TMEM178B: variants seen among roughly 807,000 people sequenced by gnomAD.
TMEM178B encodes the protein transmembrane protein 178B.
A neutral mutation model predicts 31.0 loss-of-function variants in TMEM178B; 5 were observed. The ratio of observed to expected loss-of-function variants is 0.16; its 90% CI spans 0.08 to 0.34. The LOEUF (loss-of-function observed/expected upper bound fraction) is 0.34, where lower values mean the gene tolerates loss of function less well. Ranked by LOEUF, TMEM178B falls within the 10% of genes least tolerant of loss-of-function variation. The pLI is 1.00. For synonymous variants in TMEM178B, 164 were observed against 164.0 expected (o/e 1.00, Z 0.00); for missense variants, 275 against 400.3 (o/e 0.69, Z 2.67).
At chr7:141,329,682 G>C (rs1054229455) in intron 2 of TMEM178B, among the ~76,000 whole-genome samples, 13 of 152,224 alleles carry the variant, frequency 8.5e-5, no homozygotes, top group African/African-American at 3.1e-4. Flanking sequence ...GTTGGGGGAA[G>C]AAAATCAACC....
At chr7:141,301,500 A>G (rs1798725813) in intron 2 of TMEM178B, among the ~76,000 whole-genome samples, 1 of 152,172 alleles carries the variant, frequency 6.6e-6, no homozygotes, top group South Asian at 2.1e-4. Flanking sequence ...GAGTAATCAA[A>G]ACCAGCAACA....
intron 2 of TMEM178B, among the ~76,000 whole-genome samples, chr7:141,239,546 C>T (rs920913296): frequency 6.6e-6 from 1 of 152,146 alleles, no homozygotes; most frequent in Admixed American, 6.5e-5. Context: ...AGGATTGATT[C>T]CCCGGGTGGA....
At chr7:141,104,728 C>T (rs1290625248) in intron 1 of TMEM178B, among the ~76,000 whole-genome samples, 1 of 152,164 alleles carries the variant, frequency 6.6e-6, no homozygotes. Context: ...AGGCCTCTCT[C>T]CTGGGCTTGT....
At chr7:141,118,603 C>T (rs1189500106) in intron 1 of TMEM178B, among the ~76,000 whole-genome samples, 4 of 152,158 alleles carry the variant, frequency 2.6e-5, no homozygotes, top group African/African-American at 7.2e-5. Flanking sequence ...TGGGCCTGCT[C>T]GTTAGAGTCC....
intron 2 of TMEM178B, among the ~76,000 whole-genome samples, chr7:141,375,540 C>T (rs1240917017): frequency 6.6e-6 from 1 of 152,172 alleles, no homozygotes. Context: ...CATCCTGTTT[C>T]TTATTATAGT....
chr7:141,207,911 C>G (rs1796991237), intron 1 of TMEM178B, among the ~76,000 whole-genome samples: 1 of 152,040 alleles, frequency 6.6e-6, no homozygotes, highest in Non-Finnish European at 1.5e-5. Context: ...AAGAAAAGGC[C>G]AGGTGCGGTG....
chr7:141,081,903 C>T (rs1420624975), intron 1 of TMEM178B, among the ~76,000 whole-genome samples: 1 of 152,212 alleles, frequency 6.6e-6, no homozygotes, highest in Non-Finnish European at 1.5e-5. Context: ...TTCTAAGCTG[C>T]ATTCATGGTA....
At chr7:141,497,037 G>T in the TMEM178B span, among the ~76,000 whole-genome samples, 1 of 152,044 alleles carries the variant, frequency 6.6e-6, no homozygotes, top group African/African-American at 2.4e-5. Context: ...TCAGTGTGGG[G>T]CTGCAGGCTT....
chr7:141,328,627 C>T (rs1052263984), intron 2 of TMEM178B, among the ~76,000 whole-genome samples: 4 of 152,180 alleles, frequency 2.6e-5, no homozygotes, highest in Non-Finnish European at 1.5e-5. Context: ...GTGCCATATC[C>T]TTCTGCAACA....
At chr7:141,322,687 G>A (rs1331683226) in intron 2 of TMEM178B, among the ~76,000 whole-genome samples, 2 of 152,184 alleles carry the variant, frequency 1.3e-5, no homozygotes, top group Admixed American at 6.5e-5. Flanking sequence ...AAGGCTTGGA[G>A]GTGCATGGGG....
chr7:141,136,374 A>T (rs1795675369), intron 1 of TMEM178B, among the ~76,000 whole-genome samples: 1 of 152,284 alleles, frequency 6.6e-6, no homozygotes, highest in South Asian at 2.1e-4. Context: ...TACAAAAATC[A>T]ATTGAAAATG....
intron 1 of TMEM178B, among the ~76,000 whole-genome samples, chr7:141,161,864 G>A (rs114479463): frequency 2.6e-3 from 389 of 152,130 alleles, no homozygotes; most frequent in African/African-American, 8.8e-3. Flanking sequence ...GCATGTGAGT[G>A]TGCAGCTGTG....
chr7:141,285,953 G>A (rs1798441520), intron 2 of TMEM178B, among the ~76,000 whole-genome samples: 1 of 152,138 alleles, frequency 6.6e-6, no homozygotes, highest in Non-Finnish European at 1.5e-5. Context: ...AGGATGGGGA[G>A]CTAGGGGAGG....
At chr7:141,410,138 G>A (rs1800955620) in intron 2 of TMEM178B, among the ~76,000 whole-genome samples, 1 of 152,174 alleles carries the variant, frequency 6.6e-6, no homozygotes, top group African/African-American at 2.4e-5. Context: ...TTTCTCCCCA[G>A]TGTAAAAAGG....
At chr7:141,091,900 G>A (rs140747499) in intron 1 of TMEM178B, among the ~76,000 whole-genome samples, 138 of 152,208 alleles carry the variant, frequency 9.1e-4, no homozygotes, top group African/African-American at 3.1e-3. Context: ...GCTAATTTTT[G>A]TATTTTTAGT....
At chr7:141,398,447 G>A (rs1440802464) in intron 2 of TMEM178B, among the ~76,000 whole-genome samples, 1 of 152,126 alleles carries the variant, frequency 6.6e-6, no homozygotes, top group Non-Finnish European at 1.5e-5. Context: ...GGACGGCACA[G>A]GAGCTGACTC....
chr7:141,437,418 C>T (rs1377514739), intron 2 of TMEM178B, among the ~76,000 whole-genome samples, 190 bp from the exon 3 acceptor site: 1 of 152,206 alleles, frequency 6.6e-6, no homozygotes, highest in African/African-American at 2.4e-5. Context: ...CCTGTTTGTG[C>T]ACACAAGGAT....
rs560631804 is a variant in TMEM178B, at chr7:141,478,586, G to C, written c.*7800G>C. 6.6e-6 allele frequency: 1 copy of C among 152,292 alleles called. No homozygotes were observed. Among genetic ancestry groups the C allele is most frequent in the African/African-American group, 2.4e-5 (1 of 41,550 alleles). The allele number at this position is 152,292 out of a possible 1,614,324, so 9.4% of individuals were successfully genotyped here. A position where few individuals can be genotyped will look rare whatever the true frequency, so the allele number is the denominator to read the frequency against. ...AAGTCCAAAGAAACAGCTAAAATCAGTGAAATTAATTTTTAGACTACATTT... is the reference window on the plus strand; with the variant it reads ...AAGTCCAAAGAAACAGCTAAAATCACTGAAATTAATTTTTAGACTACATTT... On this transcript the variant is annotated 3_prime_UTR_variant, in exon 4 of 4. Transcript: ENST00000565468.
intron 1 of TMEM178B, among the ~76,000 whole-genome samples, chr7:141,199,834 G>A (rs906875335): frequency 6.6e-5 from 10 of 152,162 alleles, no homozygotes; most frequent in Non-Finnish European, 1.3e-4. Flanking sequence ...GGTGGGTCAC[G>A]AGGTCAGGAG....
Sources: gnomAD v4.1 joint callset for allele counts (sites outside exome capture counted in the v4.1 genomes callset) on GRCh38, gnomAD v4.1.1 for gene constraint, MANE v1.5 for transcripts, NCBI Gene and HGNC (gene_info 2026-07-23, HGNC 2026-07-21) for gene names.